The following KIF11 variants were observed in gnomAD, a reference collection of about 807,000 sequenced individuals.
KIF11 encodes kinesin-like protein KIF11.
In KIF11, 9 loss-of-function variants were observed where a neutral mutation model predicts 121.0. The observed-to-expected ratio is 0.07, with a 90% CI of 0.04 to 0.13. The LOEUF is 0.13. KIF11 is among the 10% of genes least tolerant of loss of function. The pLI, the probability that KIF11 is intolerant of heterozygous loss-of-function variation, is 1.00. For missense variants in KIF11, 846 were observed against 1,217.5 expected (o/e 0.69, Z 4.54); for synonymous variants, 408 against 421.0 (o/e 0.97, Z 0.38).
At chr10:92,612,184 G>A (rs1437506261) in intron 6 of KIF11, among the ~76,000 whole-genome samples, 3 of 151,570 alleles carry the variant, frequency 2.0e-5, no homozygotes, top group Non-Finnish European at 4.4e-5. Context: ...CACCCAGGCT[G>A]GAGTGCAGTA....
rs140565384 is a variant in KIF11, at chr10:92,601,984, T to A, written c.78-4281T>A. Among the ~76,000 whole-genome samples the A allele has an allele frequency of 4.5e-3, 683 of 152,336 alleles. 6 individuals carry two copies. Among genetic ancestry groups the A allele is most frequent in the Non-Finnish European group, 3.7e-3 (255 of 68,030 alleles). On this transcript the variant is annotated intron_variant, in intron 1 of 21. Coordinates refer to ENST00000260731, the MANE Select transcript of KIF11 (RefSeq NM_004523.4). ...GAGCATTTTTATGACTAATGGGTTT[T>A]GAATTTTGTCACATGCTTTTCCTGC...
chr10:92,606,173 G>A (rs371359626), intron 1 of KIF11, 92 bp from the exon 2 acceptor site: 10 of 1,250,054 alleles, frequency 8.0e-6, no homozygotes, highest in African/African-American at 3.0e-5. Context: ...TCAAAATTTC[G>A]CATTTTTCTT....
At chr10:92,604,289 C>G (rs1481592804) in intron 1 of KIF11, among the ~76,000 whole-genome samples, 1 of 152,142 alleles carries the variant, frequency 6.6e-6, no homozygotes, top group Non-Finnish European at 1.5e-5. Context: ...TTTCCTATCA[C>G]TTAGTCCTGA....
intron 1 of KIF11, among the ~76,000 whole-genome samples, chr10:92,599,999 A>AT (rs1554858763): frequency 6.6e-5 from 8 of 121,614 alleles, no homozygotes; most frequent in African/African-American, 1.1e-4. Context: ...TATTATTATT[A>AT]TTATTTATTT....
intron 13 of KIF11, among the ~76,000 whole-genome samples, 173 bp downstream of exon 13, chr10:92,632,866 T>G (rs1022116188): frequency 4.6e-5 from 7 of 152,168 alleles, no homozygotes; most frequent in African/African-American, 1.7e-4. Flanking sequence ...AAAACAAATC[T>G]TTTTTCCCTC....
chr10:92,597,786 G>C (rs1190431269), intron 1 of KIF11, among the ~76,000 whole-genome samples: 1 of 151,356 alleles, frequency 6.6e-6, no homozygotes, highest in Non-Finnish European at 1.5e-5. Context: ...AGAGTAGCTG[G>C]GATTACAGGC....
intron 6 of KIF11, among the ~76,000 whole-genome samples, chr10:92,609,799 C>T (rs1275633838): frequency 3.3e-5 from 5 of 152,038 alleles, no homozygotes; most frequent in Non-Finnish European, 7.4e-5. Flanking sequence ...TGCAGTGGCG[C>T]GATCTTGACT....
chr10:92,602,825 C>CACACACACGTGTGT (rs1457102223), intron 1 of KIF11, among the ~76,000 whole-genome samples: 1 of 122,382 alleles, frequency 8.2e-6, no homozygotes, highest in Admixed American at 8.3e-5. Context: ...CACACACACA[C>CACACACACGTGTGT]GTGTGTGTGT....
In KIF11 at chr10:92,637,220, A is replaced by G; in HGVS notation, c.1912A>G (p.Met638Val). The G allele has an allele frequency of 1.3e-6, 2 of 1,586,144 alleles. No homozygotes were observed. Among genetic ancestry groups the G allele is most frequent in the Non-Finnish European group, 1.7e-6 (2 of 1,173,422 alleles). ...LKTDLLSSLEMILSPTVVSIL... is the reference protein window; with the variant it reads ...LKTDLLSSLEVILSPTVVSIL... ...GACTGATCTTCTAAGTTCACTGGAA[A>G]TGATTTTATCCCCAACTGTGGTGTC... The change falls in exon 15 of 22, where the codon ATG becomes GTG. Residue 638 changes from methionine to valine, a missense_variant. This residue lies in a region of KIF11 where 492 missense variants were observed against 603.4 expected (regional missense o/e 0.82). Coordinates refer to ENST00000260731, the MANE Select transcript of KIF11 (RefSeq NM_004523.4).
intron 10 of KIF11, 106 bp from the exon 11 acceptor site, chr10:92,628,702 A>T (rs904822674): frequency 2.5e-5 from 14 of 566,758 alleles, no homozygotes; most frequent in Non-Finnish European, 4.1e-5. Flanking sequence ...GATGGTGATA[A>T]ATGTTGGAAA....
intron 6 of KIF11, among the ~76,000 whole-genome samples, chr10:92,612,493 G>A (rs1396032411): frequency 6.6e-6 from 1 of 152,168 alleles, no homozygotes; most frequent in Non-Finnish European, 1.5e-5. Flanking sequence ...ATCTAGCAGT[G>A]ATTATCTTGT....
chr10:92,614,101 A>ATTTT (rs199546714), intron 8 of KIF11, among the ~76,000 whole-genome samples: 35 of 133,440 alleles, frequency 2.6e-4, no homozygotes, highest in African/African-American at 7.8e-4. Context: ...TAGTAGCTTC[A>ATTTT]TTTTTTTTTT....
At chr10:92,604,241 A>G (rs1404414047) in intron 1 of KIF11, among the ~76,000 whole-genome samples, 1 of 152,158 alleles carries the variant, frequency 6.6e-6, no homozygotes, top group Non-Finnish European at 1.5e-5. Context: ...CTTCTCTGAG[A>G]ATTTTGATAA....
chr10:92,640,085 T>C (rs577682112), intron 17 of KIF11, among the ~76,000 whole-genome samples, 185 bp downstream of exon 17: 68 of 152,352 alleles, frequency 4.5e-4, no homozygotes, highest in African/African-American at 1.6e-3. Flanking sequence ...TGCGTATTTG[T>C]GCTCTCTTTT....
intron 12 of KIF11, among the ~76,000 whole-genome samples, chr10:92,631,844 T>C (rs1844742365): frequency 6.6e-6 from 1 of 151,914 alleles, no homozygotes; most frequent in Non-Finnish European, 1.5e-5. Context: ...CCCAGCTAAT[T>C]TTGTATTTTT....
intron 1 of KIF11, among the ~76,000 whole-genome samples, chr10:92,602,825 C>T (rs7095369): frequency 0.011 from 1,388 of 122,394 alleles, 4 homozygotes; most frequent in East Asian, 0.022. Context: ...CACACACACA[C>T]GTGTGTGTGT....
At chr10:92,604,063 C>T (rs1844404965) in intron 1 of KIF11, among the ~76,000 whole-genome samples, 1 of 152,110 alleles carries the variant, frequency 6.6e-6, no homozygotes, top group South Asian at 2.1e-4. Context: ...CCTTCCCTCA[C>T]CATTTTGATT....
chr10:92,653,476 G>T (rs1245654827), intron 21 of KIF11, among the ~76,000 whole-genome samples, 189 bp from the exon 22 acceptor site: 1 of 152,122 alleles, frequency 6.6e-6, no homozygotes, highest in Non-Finnish European at 1.5e-5. Flanking sequence ...CCTTCCATTA[G>T]TGATCAAATA....
intron 6 of KIF11, 45 bp from the exon 7 acceptor site, chr10:92,612,995 C>A: frequency 9.0e-7 from 1 of 1,113,804 alleles, no homozygotes; most frequent in Non-Finnish European, 1.3e-6. Flanking sequence ...GCAGCAAATG[C>A]TATTTTACAT....
Sources: gnomAD v4.1 joint callset for allele counts (sites outside exome capture counted in the v4.1 genomes callset) on GRCh38, gnomAD v4.1.1 for gene constraint, gnomAD v4.1.1 regional missense constraint, MANE v1.5 for transcripts, NCBI Gene and HGNC (gene_info 2026-07-23, HGNC 2026-07-21) for gene names.